ADAMTS14: variants seen among roughly 807,000 people sequenced by gnomAD.
ADAMTS14 encodes A disintegrin and metalloproteinase with thrombospondin motifs 14.
Under a neutral mutation model 128.6 loss-of-function variants are expected in ADAMTS14, and 100 were observed. The observed-to-expected ratio is 0.78, with a 90% CI of 0.66 to 0.92. The LOEUF (loss-of-function observed/expected upper bound fraction) is 0.92, where lower values mean the gene tolerates loss of function less well. ADAMTS14 is among the 40% of genes least tolerant of loss of function. ADAMTS14 has a pLI of 0.00. For synonymous variants in ADAMTS14, 665 were observed against 653.8 expected, an observed-to-expected ratio of 1.02 and a Z score of -0.26; for missense variants, 1,562 against 1,658.6, an observed-to-expected ratio of 0.94 and a Z score of 1.01.
chr10:70,730,416 C>T (rs76588542), intron 6 of ADAMTS14, among the ~76,000 whole-genome samples, 167 bp downstream of exon 6: 1,553 of 152,260 alleles, frequency 0.01, 25 homozygotes, highest in Non-Finnish European at 0.01. Context: ...TTATTGGGAC[C>T]GTGGGAAGTA....
chr10:70,733,774 T>C, intron 7 of ADAMTS14, 111 bp from the exon 8 acceptor site: 2 of 1,364,112 alleles, frequency 1.5e-6, no homozygotes, highest in South Asian at 1.5e-5. Flanking sequence ...GGAAGAGCGA[T>C]CTGAGCTCCG....
chr10:70,753,772 A>T, intron 18 of ADAMTS14, 28 bp from the exon 19 acceptor site: 2 of 1,527,606 alleles, frequency 1.3e-6, no homozygotes, highest in Non-Finnish European at 1.8e-6. Context: ...CCTTGGTCTC[A>T]CCTCCTCTCC....
At chr10:70,694,033 G>C (rs1181678500) in intron 2 of ADAMTS14, among the ~76,000 whole-genome samples, 1 of 152,266 alleles carries the variant, frequency 6.6e-6, no homozygotes, top group Non-Finnish European at 1.5e-5. Context: ...AGCTCGGTCT[G>C]AATCAGCTTT....
intron 21 of ADAMTS14, among the ~76,000 whole-genome samples, chr10:70,758,809 C>T (rs1446097451): frequency 1.3e-5 from 2 of 152,150 alleles, no homozygotes; most frequent in African/African-American, 4.8e-5. Flanking sequence ...ATAGGCCTAG[C>T]AATTTCTCTC....
chr10:70,688,687 G>A (rs1245887676), intron 2 of ADAMTS14, among the ~76,000 whole-genome samples: 2 of 113,282 alleles, frequency 1.8e-5, no homozygotes, highest in Admixed American at 8.8e-5. Flanking sequence ...CCAACACAGC[G>A]AAACCCCGTC....
intron 9 of ADAMTS14, 136 bp from the exon 10 acceptor site, chr10:70,736,544 T>G: frequency 1.5e-6 from 1 of 682,222 alleles, no homozygotes; most frequent in African/African-American, 1.9e-5. Flanking sequence ...TTGAAGCAGG[T>G]GAGGGGCTCT....
intron 2 of ADAMTS14, among the ~76,000 whole-genome samples, chr10:70,678,692 G>T (rs1320203862): frequency 6.6e-6 from 1 of 152,160 alleles, no homozygotes; most frequent in East Asian, 1.9e-4. Context: ...AAGAGGCTGG[G>T]CTGGGAGTTG....
Position 70,738,930 on chromosome 10 carries a change from C to T in ADAMTS14, c.1688C>T (p.Ser563Leu). ...GGWSSWTKFG[S>L]CSRSCGGGVR... Reference sequence around the variant, plus strand: ...TGGAGCTCCTGGACCAAGTTTGGGTCATGTTCGCGGTCATGTGGGGGCGGG... The same window carrying T: ...TGGAGCTCCTGGACCAAGTTTGGGTTATGTTCGCGGTCATGTGGGGGCGGG... Residue 563 changes from serine to leucine, a missense_variant, in exon 11 of 22, where the codon TCA becomes TTA. Physicochemically the swap from Ser to Leu is moderately radical, Grantham distance 145. Coordinates refer to ENST00000373207, the MANE Select transcript of ADAMTS14 (RefSeq NM_080722.4). The T allele has an allele frequency of 6.2e-7, 1 of 1,613,988 alleles. No individual in the cohort carries two copies. The highest frequency in any genetic ancestry group is 8.5e-7 in the Non-Finnish European group (1 of 1,179,982).
Position 70,672,574 on chromosome 10 carries a change from C to A in ADAMTS14, c.-229C>A, listed in dbSNP as rs1253513335. ...GTGCGCTGGCGCGTCAGTGGCCCCGCTCTCCAGCCGGCAGCCTCGCGCGCC... is the reference window on the plus strand; with the variant it reads ...GTGCGCTGGCGCGTCAGTGGCCCCGATCTCCAGCCGGCAGCCTCGCGCGCC... On this transcript the variant is annotated 5_prime_UTR_variant, in exon 1 of 22. Coordinates refer to ENST00000373207, the MANE Select transcript of ADAMTS14 (RefSeq NM_080722.4). Among the ~76,000 whole-genome samples, 2 of 151,500 alleles carry A rather than the reference C, an allele frequency of 1.3e-5. No homozygotes were observed. The highest frequency in any genetic ancestry group is 2.9e-5 in the Non-Finnish European group (2 of 67,826).
chr10:70,748,613 A>G (rs1842256139), intron 15 of ADAMTS14, among the ~76,000 whole-genome samples: 1 of 152,180 alleles, frequency 6.6e-6, no homozygotes. Context: ...CTGTGTGTCC[A>G]GGACACTGTG....
intron 3 of ADAMTS14, among the ~76,000 whole-genome samples, chr10:70,705,896 G>A (rs917570000): frequency 6.6e-6 from 1 of 152,238 alleles, no homozygotes; most frequent in South Asian, 2.1e-4. Context: ...ACATTCATGT[G>A]CAAGATTTTA....
chr10:70,744,203 G>T lies in ADAMTS14; in HGVS notation c.2182+14G>T. The T allele has an allele frequency of 6.6e-7, 1 of 1,509,792 alleles. No homozygotes were observed. The highest frequency in any genetic ancestry group is 2.1e-5 in the Admixed American group (1 of 47,570). 93.5% of individuals were successfully genotyped at this position (1,509,792 alleles called of 1,614,324 possible). The stretch of plus-strand genomic sequence containing the variant: ...CCAAGCAGGCAGGTGAGCCGGGCTG[G>T]GGCTGGGGGGATGACGAGGGCTGAC... On this transcript the variant is annotated intron_variant, in intron 14 of 21. Transcript: ENST00000373207.
intron 15 of ADAMTS14, among the ~76,000 whole-genome samples, chr10:70,746,330 T>C (rs1234860925): frequency 6.6e-6 from 1 of 152,178 alleles, no homozygotes; most frequent in Non-Finnish European, 1.5e-5. Flanking sequence ...TCGTTTTTGC[T>C]GAAACTAAAT....
At chr10:70,675,090 G>C in intron 2 of ADAMTS14, 95 bp downstream of exon 2, 1 of 1,446,298 alleles carries the variant, frequency 6.9e-7, no homozygotes, top group South Asian at 1.3e-5. Context: ...TGCAGTCTGG[G>C]CCAAGGCAGG....
chr10:70,674,494 T>C lies in ADAMTS14; in HGVS notation c.83-62T>C. ...TATCCCTCCCTGCCCGCGTGGGATT[T>C]CTGACTTCCCCTTACCTCTGAACCG... On this transcript the variant is annotated intron_variant, in intron 1 of 21. Coordinates refer to ENST00000373207, the MANE Select transcript of ADAMTS14 (RefSeq NM_080722.4). 4.6e-6 allele frequency: 7 copies of C among 1,533,968 alleles called. 1 individual carries two copies. The South Asian group carries it at 8.5e-5, about 19-fold the overall frequency.
At position 70,676,655 on chromosome 10, in the gene ADAMTS14, A is replaced by G. The variant is rs565298307; in HGVS notation, c.522+1660A>G. On this transcript the variant is annotated intron_variant, in intron 2 of 21. Transcript: ENST00000373207. Reference sequence around the variant, plus strand: ...TTGTCAGGGCAGCTGGGGGAGCCTAAGGCCTTGTCAGGTGTCTGGGCTGAG... The same window carrying G: ...TTGTCAGGGCAGCTGGGGGAGCCTAGGGCCTTGTCAGGTGTCTGGGCTGAG... Among the ~76,000 whole-genome samples the G allele has an allele frequency of 3.3e-5, 5 of 152,328 alleles. No homozygotes were observed. The South Asian group carries it at 1.0e-3, about 32-fold the overall frequency.
chr10:70,697,168 G>A (rs1343344789), intron 2 of ADAMTS14, among the ~76,000 whole-genome samples: 2 of 152,222 alleles, frequency 1.3e-5, no homozygotes, highest in African/African-American at 4.8e-5. Context: ...CTCCTCTGGG[G>A]AAGCCCCAGA....
At chr10:70,757,925 C>T in intron 19 of ADAMTS14, 37 bp from the exon 20 acceptor site, 1 of 1,559,472 alleles carries the variant, frequency 6.4e-7, no homozygotes, top group Non-Finnish European at 8.6e-7. Context: ...TACCCTGACC[C>T]CGGCCGCTAT....
chr10:70,704,911 C>T (rs1417087989), intron 3 of ADAMTS14, among the ~76,000 whole-genome samples: 6 of 152,088 alleles, frequency 3.9e-5, no homozygotes, highest in South Asian at 4.2e-4. Flanking sequence ...TATACCCACC[C>T]GCACTCACAC....
Sources: allele counts gnomAD v4.1 joint callset (sites outside exome capture counted in the v4.1 genomes callset), GRCh38; gene constraint gnomAD v4.1.1; transcripts MANE v1.5; gene names NCBI Gene and HGNC (gene_info 2026-07-23, HGNC 2026-07-21).